IFITM10: variants seen among roughly 807,000 people sequenced by gnomAD.
IFITM10 encodes interferon induced transmembrane protein 10.
In IFITM10, 17 loss-of-function variants were observed where a neutral mutation model predicts 19.0. That is an observed-to-expected ratio of 0.90 (90% CI 0.61 to 1.34). The LOEUF (loss-of-function observed/expected upper bound fraction) is 1.34. Among genes scored for constraint, IFITM10 ranks in the 40% most tolerant of loss-of-function variants. The pLI is 0.00. For synonymous variants in IFITM10, 148 were observed against 147.2 expected (o/e 1.01, Z -0.04); for missense variants, 306 against 319.8 (o/e 0.96, Z 0.33).
chr11:1,737,559 G>A (rs1851100220), intron 2 of IFITM10, among the ~76,000 whole-genome samples: 1 of 152,174 alleles, frequency 6.6e-6, no homozygotes. Flanking sequence ...TCCCAGGGTT[G>A]TGGGAAAGGC....
At chr11:1,749,196 C>T (rs1845689249) in intron 1 of IFITM10, 4 of 701,672 alleles carry the variant, frequency 5.7e-6, no homozygotes, top group Non-Finnish European at 7.0e-6. Context: ...TGCGCTCCCT[C>T]CGCAGCGCCA....
intron 2 of IFITM10, chr11:1,745,487 C>A (rs1408688728): frequency 6.6e-6 from 1 of 152,614 alleles, no homozygotes; most frequent in Non-Finnish European, 1.5e-5. Flanking sequence ...TCTACACACA[C>A]ACACACACGC....
intron 2 of IFITM10, chr11:1,746,171 T>C (rs963993535): frequency 2.4e-5 from 4 of 163,894 alleles, no homozygotes; most frequent in Non-Finnish European, 3.9e-5. Flanking sequence ...CACATGCAAT[T>C]ACACACACAT....
At chr11:1,735,533 C>T in intron 2 of IFITM10, 104 bp from the exon 3 acceptor site, 1 of 1,018,590 alleles carries the variant, frequency 9.8e-7, no homozygotes, top group Non-Finnish European at 1.4e-6. Flanking sequence ...CAGCACAGTA[C>T]CAGTGCTTTG....
intron 1 of IFITM10, chr11:1,748,412 C>G: frequency 2.6e-6 from 1 of 377,406 alleles, no homozygotes. Flanking sequence ...CGAAGCACAC[C>G]AACGCTGAGA....
At chr11:1,744,726 G>A (rs988170972) in intron 2 of IFITM10, 4 of 152,558 alleles carry the variant, frequency 2.6e-5, no homozygotes, top group Middle Eastern at 3.4e-3. Context: ...ACTGCATGCG[G>A]GCCTCCGCCC....
At chr11:1,745,554 A>G (rs530143302) in intron 2 of IFITM10, 1 of 152,730 alleles carries the variant, frequency 6.5e-6, no homozygotes, top group African/African-American at 2.4e-5. Context: ...ACACATTTAC[A>G]CGTACCATGC....
At chr11:1,746,011 CAG>C (rs1845641608) in intron 2 of IFITM10, 1 of 152,214 alleles carries the variant, frequency 6.6e-6, no homozygotes. Flanking sequence ...TACATACAGA[CAG>C]TACACAGGCA....
rs534430165 is a variant in IFITM10 at position 1,735,426 on chromosome 11, G to T, written c.541C>A (p.Arg181=). The T allele has an allele frequency of 1.3e-6, 2 of 1,551,010 alleles. No individual in the cohort carries two copies. The highest frequency in any genetic ancestry group is 2.4e-5 in the South Asian group (2 of 84,032). ...AGGTCATTGAGAAGCTTCTTGTCTC[G>T]CACCTGAAGCCGGGAGGAGGACAGG... ...FIALAYSLKV[R]DKKLLNDLNG... Residue 181 remains arginine, a synonymous_variant, in exon 3 of 3, where the codon CGA becomes AGA. Transcript: ENST00000340134.
chr11:1,735,114 G>A lies in IFITM10; in HGVS notation c.*166C>T. ...TGAGGGCCAAGCTCACTGCCCCCTT[G>A]CTGTACTCAGCTTCTGATGGCCTTG... On this transcript the variant is annotated 3_prime_UTR_variant, in exon 3 of 3. Transcript: ENST00000340134. The A allele has an allele frequency of 3.0e-6, 2 of 661,070 alleles. No homozygotes were observed. Among genetic ancestry groups the A allele is most frequent in the Non-Finnish European group, 5.1e-6 (2 of 393,040 alleles). 41.0% of individuals were successfully genotyped at this position (661,070 alleles called of 1,614,324 possible).
chr11:1,747,112 C>G (rs1237016188), intron 2 of IFITM10, among the ~76,000 whole-genome samples: 1 of 152,148 alleles, frequency 6.6e-6, no homozygotes, highest in East Asian at 1.9e-4. Flanking sequence ...CCTGTTTACA[C>G]CCCTCTTCCC....
intron 2 of IFITM10, chr11:1,745,778 CAT>C (rs755587610): frequency 2.6e-5 from 4 of 151,038 alleles, no homozygotes; most frequent in Non-Finnish European, 4.4e-5. Context: ...ATTACACACA[CAT>C]GCACACACTC....
chr11:1,735,325 G>A lies in IFITM10; in HGVS notation c.642C>T (p.Ile214=). 1.3e-6 allele frequency: 2 copies of A among 1,551,734 alleles called. No individual in the cohort carries two copies. The highest frequency in any genetic ancestry group is 1.2e-5 in the South Asian group (1 of 84,056). Residue 214 remains isoleucine, a synonymous_variant, in exon 3 of 3, where the codon ATC becomes ATT. Coordinates refer to ENST00000340134, the MANE Select transcript of IFITM10 (RefSeq NM_001170820.4). ...ACCGCAGGAAGATGAAGACGAGGATGATGCAGGAGGCTGCCAGGGCAGAAC... is the reference window on the plus strand; with the variant it reads ...ACCGCAGGAAGATGAAGACGAGGATAATGCAGGAGGCTGCCAGGGCAGAAC... ...ITSSALAASC[I]ILVFIFLRYP...
At chr11:1,742,280 T>C (rs903067770) in intron 2 of IFITM10, among the ~76,000 whole-genome samples, 1 of 151,788 alleles carries the variant, frequency 6.6e-6, no homozygotes, top group Non-Finnish European at 1.5e-5. Flanking sequence ...GTAAAGCACG[T>C]AGGCGGATGG....
chr11:1,736,324 T>C (rs3740624), intron 2 of IFITM10, among the ~76,000 whole-genome samples: 50,489 of 151,848 alleles, frequency 0.33, 10,013 homozygotes, highest in African/African-American at 0.56. Flanking sequence ...ACAGGAGACC[T>C]AGGTCGGAAG....
chr11:1,747,801 T>TCATC lies in IFITM10; in HGVS notation c.399_402dup (p.Thr135AspfsTer55). 1 of 1,550,982 alleles carries TCATC rather than the reference T, an allele frequency of 6.4e-7. No homozygotes were observed. Among genetic ancestry groups the TCATC allele is most frequent in the Non-Finnish European group, 8.7e-7 (1 of 1,146,422 alleles). On this transcript the variant is annotated frameshift_variant, in exon 2 of 3. Transcript: ENST00000340134. LOFTEE classifies it high-confidence loss of function. ...ACCTCGATGACGGTCGTGGGGTTGG[T>TCATC]CATCGTCTTCTTCTCGGCTAGGTGC... is the stretch of plus-strand genomic sequence containing the variant.
At chr11:1,749,420 C>G (rs1845692404) in intron 1 of IFITM10, among the ~76,000 whole-genome samples, 1 of 150,830 alleles carries the variant, frequency 6.6e-6, no homozygotes, top group African/African-American at 2.4e-5. Flanking sequence ...TCTTCCTCCC[C>G]ACCCCACCCG....
intron 1 of IFITM10, among the ~76,000 whole-genome samples, chr11:1,749,925 G>T (rs555293295): frequency 9.2e-5 from 14 of 152,206 alleles, no homozygotes; most frequent in African/African-American, 3.4e-4. Context: ...CCAGAGTCTG[G>T]GAGAATGTGG....
intron 1 of IFITM10, chr11:1,748,460 C>G (rs534011200): frequency 2.0e-5 from 6 of 294,942 alleles, no homozygotes; most frequent in Admixed American, 1.6e-4. Context: ...CCCAGCACCC[C>G]AAACAACCCC....
Sources: allele counts gnomAD v4.1 joint callset (sites outside exome capture counted in the v4.1 genomes callset), GRCh38; gene constraint gnomAD v4.1.1; transcripts MANE v1.5; gene names NCBI Gene and HGNC (gene_info 2026-07-23, HGNC 2026-07-21).